The following MYBPC1 variants were observed in gnomAD, a reference collection of about 807,000 sequenced individuals.
The protein encoded by MYBPC1 is myosin-binding protein C, slow-type.
A neutral mutation model predicts 147.1 loss-of-function variants in MYBPC1; 52 were observed. The observed-to-expected ratio is 0.35, with a 90% confidence interval of 0.28 to 0.45. The LOEUF (loss-of-function observed/expected upper bound fraction) is 0.45, where lower values mean the gene tolerates loss of function less well. Ranked by LOEUF, MYBPC1 falls within the 20% of genes least tolerant of loss-of-function variation. The probability of loss-of-function intolerance (pLI) is 1.00; values close to 1 mark genes in which losing one functional copy is unlikely to be tolerated. For missense variants in MYBPC1, 1,228 were observed against 1,440.3 expected, an observed-to-expected ratio of 0.85 and a Z score of 2.39; for synonymous variants, 477 against 475.9, an observed-to-expected ratio of 1.00 and a Z score of -0.03.
chr12:101,651,306 A>T lies in MYBPC1; in HGVS notation c.1439A>T (p.Glu480Val). 1 of 1,614,120 alleles carries T rather than the reference A, an allele frequency of 6.2e-7. No individual in the cohort carries two copies. The highest frequency in any genetic ancestry group is 2.2e-5 in the East Asian group (1 of 44,876). Residue 480 changes from glutamate to valine, a missense_variant, in exon 16 of 32, where the codon GAA becomes GTA. Physicochemically the swap from Glu to Val is moderately radical, Grantham distance 121. Transcript: ENST00000361466. ...GGAAAAGAAATCTGCCTGAAGTGTGAAATCTCTGAAAACATACCAGGAAAA... is the reference window on the plus strand; with the variant it reads ...GGAAAAGAAATCTGCCTGAAGTGTGTAATCTCTGAAAACATACCAGGAAAA... Reference protein sequence around the residue: ...NLGKEICLKCEISENIPGKWT... With the variant: ...NLGKEICLKCVISENIPGKWT...
intron 28 of MYBPC1, 24 bp downstream of exon 28, chr12:101,678,262 A>G: frequency 3.1e-6 from 5 of 1,612,844 alleles, no homozygotes; most frequent in Admixed American, 3.3e-5. Context: ...CTATCACATC[A>G]GTTAAAGTCC....
At chr12:101,615,482 C>T (rs949203702) in intron 2 of MYBPC1, among the ~76,000 whole-genome samples, 3 of 152,088 alleles carry the variant, frequency 2.0e-5, no homozygotes, top group South Asian at 2.1e-4. Context: ...CTATCATGTA[C>T]GTATTGATAG....
chr12:101,690,643 G>A (rs1319645956), downstream of MYBPC1, among the ~76,000 whole-genome samples: 2 of 152,172 alleles, frequency 1.3e-5, no homozygotes, highest in Non-Finnish European at 2.9e-5. Flanking sequence ...CCAATGCTAA[G>A]AACCGTGTCT....
chr12:101,671,752 C>T (rs1003907893), intron 24 of MYBPC1, among the ~76,000 whole-genome samples: 1 of 152,166 alleles, frequency 6.6e-6, no homozygotes, highest in Admixed American at 6.5e-5. Context: ...TCTGCGTGTT[C>T]AGCTTCTGTC....
chr12:101,678,768 G>T lies in MYBPC1; in HGVS notation c.3246+530G>T, dbSNP rs138966337. On this transcript the variant is annotated intron_variant, in intron 28 of 31. Transcript: ENST00000361466. Reference sequence around the variant, plus strand: ...AAAGAACAACGAATTAATGAATATCGCCCATAGAGATGTACATATCCCTGG... The same window carrying T: ...AAAGAACAACGAATTAATGAATATCTCCCATAGAGATGTACATATCCCTGG... Among the ~76,000 whole-genome samples, 140 of 152,234 alleles carry T rather than the reference G, an allele frequency of 9.2e-4. 1 individual carries two copies. In the East Asian group the frequency reaches 0.011, roughly 12 times the overall value.
At chr12:101,645,140 G>A (rs978706739) in intron 12 of MYBPC1, among the ~76,000 whole-genome samples, 1 of 151,906 alleles carries the variant, frequency 6.6e-6, no homozygotes, top group African/African-American at 2.4e-5. Context: ...TATTTGATAT[G>A]CCACCTGGGA....
chr12:101,674,521 C>T (rs925126209), intron 25 of MYBPC1, among the ~76,000 whole-genome samples: 1 of 152,036 alleles, frequency 6.6e-6, no homozygotes, highest in Non-Finnish European at 1.5e-5. Flanking sequence ...GGAAGGACCC[C>T]TTGTGGATAG....
intron 1 of MYBPC1, among the ~76,000 whole-genome samples, chr12:101,612,218 T>C (rs1453177973): frequency 3.3e-5 from 5 of 152,196 alleles, no homozygotes; most frequent in African/African-American, 1.2e-4. Context: ...AACTACCCTA[T>C]GCATCTTACA....
intron 1 of MYBPC1, among the ~76,000 whole-genome samples, 171 bp from the exon 2 acceptor site, chr12:101,614,325 T>TGAGA (rs1024538361): frequency 2.9e-5 from 4 of 140,110 alleles, no homozygotes; most frequent in Non-Finnish European, 4.6e-5. Flanking sequence ...TGTGTGTGTG[T>TGAGA]GAGAGAGAGA....
intron 18 of MYBPC1, among the ~76,000 whole-genome samples, 165 bp from the exon 19 acceptor site, chr12:101,659,507 T>C (rs537476399): frequency 6.6e-6 from 1 of 152,166 alleles, no homozygotes. Context: ...AAACATATAA[T>C]AGGCATGAAC....
chr12:101,651,004 T>C (rs1894326302), intron 15 of MYBPC1: 1 of 535,604 alleles, frequency 1.9e-6, no homozygotes, highest in Non-Finnish European at 3.3e-6. Context: ...CCTTGCTGGG[T>C]CATTTCAGCT....
intron 1 of MYBPC1, among the ~76,000 whole-genome samples, chr12:101,595,624 A>C (rs1344695298): frequency 1.3e-5 from 2 of 152,058 alleles, no homozygotes; most frequent in South Asian, 2.1e-4. Context: ...TGTTCTTATC[A>C]GTGCCTTTGG....
intron 25 of MYBPC1, 27 bp from the exon 26 acceptor site, chr12:101,675,265 C>A: frequency 1.9e-6 from 3 of 1,613,564 alleles, no homozygotes; most frequent in Non-Finnish European, 2.5e-6. Flanking sequence ...AGTGACCTTG[C>A]AGTGACACCA....
Position 101,677,372 on chromosome 12 carries a change from G to A in MYBPC1, c.3087G>A (p.Glu1029=), listed in dbSNP as rs1900233765. 4.3e-6 allele frequency: 7 copies of A among 1,614,010 alleles called. No individual in the cohort carries two copies. The highest frequency in any genetic ancestry group is 5.9e-6 in the Non-Finnish European group (7 of 1,179,970). ...GLSEDATMTK[E]SAVIARDGKI... The stretch of plus-strand genomic sequence containing the variant: ...GTGAGGATGCCACCATGACTAAAGA[G>A]AGTGCAGTGATCGCCAGGGATGGTG... The change falls in exon 27 of 32, where the codon GAG becomes GAA. Residue 1029 remains glutamate, a synonymous_variant. Coordinates refer to ENST00000361466, the MANE Select transcript of MYBPC1 (RefSeq NM_002465.4).
chr12:101,638,984 T>C (rs977361256), intron 10 of MYBPC1, among the ~76,000 whole-genome samples: 1 of 85,794 alleles, frequency 1.2e-5, no homozygotes, highest in African/African-American at 3.8e-5. Context: ...ATGGTTACCA[T>C]TTCTACTCCT....
At chr12:101,635,288 A>G (rs959771527) in intron 9 of MYBPC1, among the ~76,000 whole-genome samples, 1 of 152,138 alleles carries the variant, frequency 6.6e-6, no homozygotes, top group Non-Finnish European at 1.5e-5. Flanking sequence ...TAATTATTCC[A>G]TAATATAAAT....
chr12:101,681,718 C>T (rs111314264), intron 29 of MYBPC1, among the ~76,000 whole-genome samples: 3,196 of 144,116 alleles, frequency 0.022, 34 homozygotes, highest in African/African-American at 0.042. Flanking sequence ...AAGCAATTCT[C>T]GTGCCTCAGC....
At chr12:101,686,675 A>G (rs1020538806), downstream of MYBPC1, among the ~76,000 whole-genome samples, 3 of 152,008 alleles carry the variant, frequency 2.0e-5, no homozygotes, top group African/African-American at 7.3e-5. Flanking sequence ...TTGTTGCAGG[A>G]GCTAAATATA....
Position 101,677,320 on chromosome 12 carries a change from T to C in MYBPC1, c.3035T>C (p.Val1012Ala), listed in dbSNP as rs775019216. The C allele has an allele frequency of 6.2e-7, 1 of 1,614,014 alleles. No individual in the cohort carries two copies. Among genetic ancestry groups the C allele is most frequent in the Non-Finnish European group, 8.5e-7 (1 of 1,179,966 alleles). Reference protein sequence around the residue: ...LVIGNEYYFRVFSENMCGLSE... With the variant: ...LVIGNEYYFRAFSENMCGLSE... ...ATAGGGAATGAATATTACTTCCGGG[T>C]CTTTTCTGAAAACATGTGTGGCCTC... The change falls in exon 27 of 32, where the codon GTC (valine) becomes GCC (alanine). Residue 1012 changes from valine to alanine, a missense_variant. Coordinates refer to ENST00000361466, the MANE Select transcript of MYBPC1 (RefSeq NM_002465.4).
Sources: allele counts gnomAD v4.1 joint callset (sites outside exome capture counted in the v4.1 genomes callset), GRCh38; gene constraint gnomAD v4.1.1; transcripts MANE v1.5; gene names NCBI Gene and HGNC (gene_info 2026-07-23, HGNC 2026-07-21).